Variants in ABTB3 observed in about 807,000 individuals in gnomAD.
The protein encoded by ABTB3 is ankyrin repeat- and BTB/POZ domain-containing protein 3.
the ABTB3 span, among the ~76,000 whole-genome samples, chr12:107,652,902 T>C: frequency 2.6e-5 from 4 of 152,132 alleles, no homozygotes; most frequent in South Asian, 2.1e-4. Context: ...GGTTGTTTTA[T>C]TTATTTATTT....
the ABTB3 span, among the ~76,000 whole-genome samples, chr12:107,543,623 G>C: frequency 6.6e-6 from 1 of 152,104 alleles, no homozygotes; most frequent in Non-Finnish European, 1.5e-5. Flanking sequence ...CAGGGCGAGG[G>C]AGGCAGTATG....
chr12:107,344,157 T>G, the ABTB3 span, among the ~76,000 whole-genome samples: 2 of 152,130 alleles, frequency 1.3e-5, no homozygotes, highest in Non-Finnish European at 1.5e-5. Context: ...GAATGAAGAG[T>G]GACAAAGGGT....
the ABTB3 span, among the ~76,000 whole-genome samples, chr12:107,588,042 C>A: frequency 6.6e-6 from 1 of 152,200 alleles, no homozygotes; most frequent in Non-Finnish European, 1.5e-5. Context: ...CCTCTGGTGG[C>A]TGCAGGCATT....
At chr12:107,434,669 T>C in the ABTB3 span, among the ~76,000 whole-genome samples, 11,131 of 151,830 alleles carry the variant, frequency 0.073, 1,340 homozygotes, top group African/African-American at 0.25. Flanking sequence ...TTGAGACCAG[T>C]CTGGGCAATG....
the ABTB3 span, among the ~76,000 whole-genome samples, chr12:107,574,592 C>T: frequency 6.6e-6 from 1 of 152,162 alleles, no homozygotes; most frequent in Non-Finnish European, 1.5e-5. Context: ...TGTGGTGGCA[C>T]ATGCCTGTGA....
the ABTB3 span, among the ~76,000 whole-genome samples, chr12:107,573,429 GATGA>G: frequency 6.6e-6 from 1 of 152,070 alleles, no homozygotes; most frequent in African/African-American, 2.4e-5. Flanking sequence ...TGTGTGGGTG[GATGA>G]ATGAATGGAT....
chr12:107,595,495 A>G, the ABTB3 span, among the ~76,000 whole-genome samples: 5 of 152,168 alleles, frequency 3.3e-5, no homozygotes, highest in African/African-American at 9.7e-5. Context: ...ATGGCAAGAG[A>G]ACCTTAAACT....
chr12:107,417,757 G>A, the ABTB3 span, among the ~76,000 whole-genome samples: 5 of 152,232 alleles, frequency 3.3e-5, no homozygotes, highest in Non-Finnish European at 7.3e-5. Context: ...GGCTCACACT[G>A]CATACCCTGA....
chr12:107,532,507 G>A, the ABTB3 span, among the ~76,000 whole-genome samples: 6 of 152,286 alleles, frequency 3.9e-5, no homozygotes, highest in South Asian at 1.2e-3. Context: ...AACCCTACCC[G>A]ACTAACACTA....
At chr12:107,396,789 C>T in the ABTB3 span, among the ~76,000 whole-genome samples, 1 of 152,196 alleles carries the variant, frequency 6.6e-6, no homozygotes, top group Non-Finnish European at 1.5e-5. Context: ...TAGCCACTCA[C>T]TGTGGACCTT....
chr12:107,552,721 A>G, the ABTB3 span, among the ~76,000 whole-genome samples: 1 of 152,196 alleles, frequency 6.6e-6, no homozygotes, highest in Non-Finnish European at 1.5e-5. Flanking sequence ...GAGGCTTTGC[A>G]AGGCAGTGCC....
At chr12:107,495,570 G>T in the ABTB3 span, among the ~76,000 whole-genome samples, 1 of 152,190 alleles carries the variant, frequency 6.6e-6, no homozygotes. Flanking sequence ...GCTAGGACTG[G>T]CTGCCTCCTT....
At chr12:107,594,173 A>G in the ABTB3 span, among the ~76,000 whole-genome samples, 4 of 152,224 alleles carry the variant, frequency 2.6e-5, no homozygotes, top group Admixed American at 2.6e-4. Flanking sequence ...ATGCTGAAGC[A>G]AGATAATGCT....
the ABTB3 span, among the ~76,000 whole-genome samples, chr12:107,357,826 C>A: frequency 2.0e-5 from 3 of 152,286 alleles, no homozygotes; most frequent in East Asian, 5.8e-4. Context: ...CCCTGCGAGG[C>A]CCTAATAGGA....
the ABTB3 span, among the ~76,000 whole-genome samples, chr12:107,423,350 A>C: frequency 3.3e-5 from 5 of 152,350 alleles, 1 homozygote; most frequent in East Asian, 7.7e-4. Context: ...GCTTCGCCAC[A>C]CATTATCTAG....
At chr12:107,645,361 C>T in the ABTB3 span, among the ~76,000 whole-genome samples, 4 of 152,200 alleles carry the variant, frequency 2.6e-5, no homozygotes, top group African/African-American at 9.7e-5. Flanking sequence ...TTATTTCATC[C>T]TTCCAGCTGC....
the ABTB3 span, chr12:107,543,845 A>G: frequency 8.1e-7 from 1 of 1,232,704 alleles, no homozygotes; most frequent in Non-Finnish European, 1.1e-6. Flanking sequence ...AGGGACTGCA[A>G]GGACCAGGGT....
chr12:107,510,947 C>G, the ABTB3 span, among the ~76,000 whole-genome samples: 1 of 152,010 alleles, frequency 6.6e-6, no homozygotes, highest in Non-Finnish European at 1.5e-5. Flanking sequence ...AGAAAAGTCT[C>G]TCTGAGAAGG....
At chr12:107,442,486 T>C in the ABTB3 span, among the ~76,000 whole-genome samples, 1 of 152,218 alleles carries the variant, frequency 6.6e-6, no homozygotes, top group East Asian at 1.9e-4. Context: ...ATAACATTTA[T>C]TTGGCAGAAT....
Sources: allele counts gnomAD v4.1 joint callset (sites outside exome capture counted in the v4.1 genomes callset), GRCh38; gene constraint gnomAD v4.1.1; transcripts MANE v1.5; gene names NCBI Gene and HGNC (gene_info 2026-07-23, HGNC 2026-07-21).